Variants in SGMS1 observed in about 807,000 individuals in gnomAD.
SGMS1 encodes sphingomyelin synthase 1.
A neutral mutation model predicts 46.2 loss-of-function variants in SGMS1; 13 were observed. The observed-to-expected ratio is 0.28, with a 90% CI of 0.18 to 0.45. SGMS1 has a LOEUF of 0.45. Ranked by LOEUF, SGMS1 falls within the 20% of genes least tolerant of loss-of-function variation. The pLI is 1.00. For synonymous variants in SGMS1, 203 were observed against 187.8 expected (o/e 1.08, Z -0.66); for missense variants, 324 against 519.9 (o/e 0.62, Z 3.66).
At chr10:50,614,986 T>C (rs1588893542) in intron 1 of SGMS1, among the ~76,000 whole-genome samples, 2 of 152,360 alleles carry the variant, frequency 1.3e-5, no homozygotes, top group Admixed American at 1.3e-4. Flanking sequence ...ATCCCTGTGA[T>C]TCCGACATCT....
intron 3 of SGMS1, among the ~76,000 whole-genome samples, chr10:50,506,198 T>C (rs1475250150): frequency 6.6e-6 from 1 of 152,196 alleles, no homozygotes; most frequent in African/African-American, 2.4e-5. Flanking sequence ...CTACACTCTG[T>C]ACTTCTCCCA....
intron 1 of SGMS1, among the ~76,000 whole-genome samples, chr10:50,611,524 A>C (rs1406476208): frequency 6.6e-6 from 1 of 152,104 alleles, no homozygotes; most frequent in African/African-American, 2.4e-5. Flanking sequence ...ACATCTTACA[A>C]ATGGCTCAGA....
chr10:50,361,140 A>C (rs1285616175), intron 6 of SGMS1, among the ~76,000 whole-genome samples: 5 of 152,218 alleles, frequency 3.3e-5, no homozygotes. Flanking sequence ...TTTTGAAAGC[A>C]TCTATGGGAG....
intron 2 of SGMS1, among the ~76,000 whole-genome samples, chr10:50,562,335 TGA>T (rs1340506215): frequency 8.6e-6 from 1 of 116,440 alleles, no homozygotes; most frequent in Non-Finnish European, 1.8e-5. Flanking sequence ...AAACACTCTC[TGA>T]GTGTGTGTGT....
chr10:50,394,117 GAGA>G (rs932513238), intron 6 of SGMS1, among the ~76,000 whole-genome samples: 64 of 152,324 alleles, frequency 4.2e-4, no homozygotes, highest in African/African-American at 1.5e-3. Flanking sequence ...TGAGTTTTAA[GAGA>G]AGTTTTCTTT....
intron 2 of SGMS1, among the ~76,000 whole-genome samples, chr10:50,580,804 T>C (rs1838426404): frequency 6.6e-6 from 1 of 152,130 alleles, no homozygotes; most frequent in Admixed American, 6.6e-5. Flanking sequence ...GGTATGAAGT[T>C]TCAGATTTGC....
chr10:50,578,165 T>C (rs150970337), intron 2 of SGMS1, among the ~76,000 whole-genome samples: 97 of 152,368 alleles, frequency 6.4e-4, no homozygotes, highest in African/African-American at 2.1e-3. Flanking sequence ...AGGCTAACAA[T>C]AGCTTTTTAC....
At chr10:50,619,950 T>C (rs567200819) in intron 1 of SGMS1, among the ~76,000 whole-genome samples, 1 of 152,330 alleles carries the variant, frequency 6.6e-6, no homozygotes, top group Admixed American at 6.5e-5. Flanking sequence ...TTCTCTTCGC[T>C]GTCTGTGTGA....
rs181447072 is a variant in SGMS1 at position 50,422,653 on chromosome 10, G to A, written c.-232+10823C>T. Among the ~76,000 whole-genome samples, 873 of 152,274 alleles carry A rather than the reference G, an allele frequency of 5.7e-3. 14 individuals carry two copies. Among genetic ancestry groups the A allele is most frequent in the African/African-American group, 0.019 (789 of 41,564 alleles). Reference sequence around the variant, plus strand: ...CCAAAGTACCAATTCCTCCTTAAATGTAAACATCACTCTCAACCACAAACA... The same window carrying A: ...CCAAAGTACCAATTCCTCCTTAAATATAAACATCACTCTCAACCACAAACA... On this transcript the variant is annotated intron_variant, in intron 6 of 10. Transcript: ENST00000361781.
At chr10:50,505,930 C>T (rs2133764774) in intron 3 of SGMS1, among the ~76,000 whole-genome samples, 1 of 152,276 alleles carries the variant, frequency 6.6e-6, no homozygotes, top group African/African-American at 2.4e-5. Context: ...CACAATCCAC[C>T]AACATTTTCT....
chr10:50,424,632 A>G (rs1849298046), intron 6 of SGMS1, among the ~76,000 whole-genome samples: 1 of 152,222 alleles, frequency 6.6e-6, no homozygotes, highest in Non-Finnish European at 1.5e-5. Flanking sequence ...ATGGGAGAAA[A>G]TATTTGCAAA....
chr10:50,479,537 TTTAG>T (rs756167254), intron 3 of SGMS1, among the ~76,000 whole-genome samples: 8 of 152,322 alleles, frequency 5.3e-5, no homozygotes, highest in Non-Finnish European at 1.0e-4. Flanking sequence ...TATATTCTCC[TTTAG>T]TAAGTGAAAA....
intron 6 of SGMS1, among the ~76,000 whole-genome samples, chr10:50,417,107 T>G (rs1237955999): frequency 6.6e-6 from 1 of 152,202 alleles, no homozygotes; most frequent in Non-Finnish European, 1.5e-5. Flanking sequence ...CAGTCAGTGT[T>G]TCTGATCATG....
At position 50,333,060 on chromosome 10, in the gene SGMS1, C is replaced by G. The variant is rs115798084; in HGVS notation, c.624-5738G>C. 5.9e-3 allele frequency among the ~76,000 whole-genome samples: 901 copies of G among 152,308 alleles called. 13 individuals are homozygous for G. Among genetic ancestry groups the G allele is most frequent in the African/African-American group, 0.02 (816 of 41,566 alleles). On this transcript the variant is annotated intron_variant, in intron 7 of 10. Transcript: ENST00000361781. ...CCTCATGGCTTCCAGATGTCCCCAA[C>G]TGGACAGAGCCACTTCATCCTCCCA... is the stretch of plus-strand genomic sequence containing the variant.
At chr10:50,595,710 G>C (rs1256064652) in intron 1 of SGMS1, among the ~76,000 whole-genome samples, 1 of 152,176 alleles carries the variant, frequency 6.6e-6, no homozygotes, top group East Asian at 1.9e-4. Flanking sequence ...GCTTGTGGTA[G>C]GCAAGTGTGA....
chr10:50,497,793 A>G (rs1009406990), intron 3 of SGMS1, among the ~76,000 whole-genome samples: 32 of 145,008 alleles, frequency 2.2e-4, no homozygotes, highest in African/African-American at 7.7e-4. Flanking sequence ...AAACTCATCT[A>G]AAAAAAAAAA....
chr10:50,448,494 C>G (rs1837053773), intron 5 of SGMS1, among the ~76,000 whole-genome samples: 1 of 151,994 alleles, frequency 6.6e-6, no homozygotes, highest in Non-Finnish European at 1.5e-5. Context: ...CCTGTAATCC[C>G]AGCACTTTGG....
At chr10:50,440,290 A>G (rs928341374) in intron 5 of SGMS1, among the ~76,000 whole-genome samples, 2 of 150,690 alleles carry the variant, frequency 1.3e-5, no homozygotes, top group African/African-American at 2.4e-5. Flanking sequence ...ATATATATAT[A>G]TATTTTCTTT....
At chr10:50,562,523 T>C (rs537046807) in intron 2 of SGMS1, among the ~76,000 whole-genome samples, 3 of 152,220 alleles carry the variant, frequency 2.0e-5, no homozygotes, top group African/African-American at 7.2e-5. Context: ...ACATCTCTTT[T>C]AAATCACAGG....
Sources: gnomAD v4.1 joint callset for allele counts (sites outside exome capture counted in the v4.1 genomes callset) on GRCh38, gnomAD v4.1.1 for gene constraint, MANE v1.5 for transcripts, NCBI Gene and HGNC (gene_info 2026-07-23, HGNC 2026-07-21) for gene names.